SUGP2: variants seen among roughly 807,000 people sequenced by gnomAD.
SUGP2 encodes the protein SURP and G-patch domain containing 2.
SUGP2 carries 24 observed loss-of-function variants against 90.5 expected under a neutral mutation model. That is an observed-to-expected ratio of 0.27 (90% confidence interval 0.19 to 0.37). The LOEUF is 0.37. SUGP2 is among the 10% of genes least tolerant of loss of function. The probability of loss-of-function intolerance (pLI) is 1.00; values close to 1 mark genes in which losing one functional copy is unlikely to be tolerated. For synonymous variants in SUGP2, 473 were observed against 513.4 expected (o/e 0.92, Z 1.06); for missense variants, 1,233 against 1,363.3 (o/e 0.90, Z 1.51).
intron 8 of SUGP2, among the ~76,000 whole-genome samples, chr19:19,001,261 C>A (rs946076694): frequency 6.6e-6 from 1 of 152,128 alleles, no homozygotes; most frequent in African/African-American, 2.4e-5. Flanking sequence ...GTGATCCACC[C>A]GCCCTCTGCC....
chr19:18,997,432 A>G (rs1317835765), intron 8 of SUGP2, among the ~76,000 whole-genome samples: 1 of 152,156 alleles, frequency 6.6e-6, no homozygotes, highest in Non-Finnish European at 1.5e-5. Flanking sequence ...AGAAAGGGAC[A>G]AAACAACCTG....
intron 4 of SUGP2, among the ~76,000 whole-genome samples, chr19:19,017,214 C>T (rs1210671792): frequency 6.6e-6 from 1 of 152,158 alleles, no homozygotes; most frequent in African/African-American, 2.4e-5. Flanking sequence ...AAAGAGGGCA[C>T]AGCACACCTA....
At chr19:19,017,944 T>TTTTTTTTA in intron 4 of SUGP2, among the ~76,000 whole-genome samples, 2 of 150,650 alleles carry the variant, frequency 1.3e-5, no homozygotes, top group African/African-American at 4.9e-5. Context: ...TTTTTTTTTT[T>TTTTTTTTA]AAGAGAAATG....
In SUGP2 at chr19:19,010,032, A is replaced by G; in HGVS notation, c.2161T>C (p.Ser721Pro). 1.9e-6 allele frequency: 3 copies of G among 1,613,094 alleles called. No homozygotes were observed. Among genetic ancestry groups the G allele is most frequent in the Non-Finnish European group, 2.5e-6 (3 of 1,179,964 alleles). ...KHHGRQAPGL[S>P]QAKPSLPDRN... ...TCTGGCAGGGATGGTTTTGCCTGTGAGAGGCCTGGAGCCTGCCGGCCGTGG... is the reference window on the plus strand; with the variant it reads ...TCTGGCAGGGATGGTTTTGCCTGTGGGAGGCCTGGAGCCTGCCGGCCGTGG... Residue 721 changes from serine (S) to proline (P), a missense_variant, in exon 5 of 11, where the codon TCA (serine) becomes CCA (proline). Physicochemically the swap from Ser to Pro is moderately conservative, Grantham distance 74. Around this residue, in one of 8 missense-constraint regions of SUGP2, gnomAD observed 540 missense variants for 542.6 expected, o/e 1.00. Transcript: ENST00000452918.
Position 19,025,820 on chromosome 19 carries a change from G to A in SUGP2, c.528C>T (p.Ser176=), listed in dbSNP as rs368639005. 1 of 1,613,906 alleles carries A rather than the reference G, an allele frequency of 6.2e-7. No homozygotes were observed. The highest frequency in any genetic ancestry group is 1.3e-5 in the African/African-American group (1 of 74,866). ...CCAAACACTCTTTCTCAATCAGCCT[G>A]GAAGATCCAAAGTCCCCCAAAACTG... ...PSAVLGDFGS[S]RLIEKECLEK... Residue 176 remains serine, a synonymous_variant, in exon 3 of 11, where the codon TCC becomes TCT. Coordinates refer to ENST00000452918, the MANE Select transcript of SUGP2 (RefSeq NM_001017392.5).
chr19:19,032,905 C>A (rs1309442825), intron 1 of SUGP2: 2 of 150,484 alleles, frequency 1.3e-5, no homozygotes, highest in Admixed American at 6.7e-5. Flanking sequence ...CCGCCTCCCC[C>A]ACCCGCCTCC....
At chr19:18,995,826 A>G (rs1568373293) in intron 8 of SUGP2, among the ~76,000 whole-genome samples, 1 of 152,074 alleles carries the variant, frequency 6.6e-6, no homozygotes, top group Non-Finnish European at 1.5e-5. Flanking sequence ...CTACTTGGAC[A>G]TTGGGGTCTG....
chr19:18,994,820 G>A (rs1319988427), intron 9 of SUGP2: 3 of 531,672 alleles, frequency 5.6e-6, no homozygotes, highest in East Asian at 3.4e-5. Context: ...TGGCTGGCCC[G>A]GCTATGGGTT....
At chr19:19,008,571 T>C (rs1443085118) in intron 5 of SUGP2, 143 bp from the exon 6 acceptor site, 21 of 698,250 alleles carry the variant, frequency 3.0e-5, no homozygotes, top group South Asian at 1.1e-4. Flanking sequence ...TGTGGACCCT[T>C]TGTCACCAAG....
intron 3 of SUGP2, 114 bp from the exon 4 acceptor site, chr19:19,019,343 C>T (rs566586030): frequency 1.2e-5 from 14 of 1,188,640 alleles, no homozygotes; most frequent in Middle Eastern, 3.0e-4. Context: ...CATCAACAAC[C>T]GAAATCCTCA....
rs2057429711 is a variant in SUGP2, at chr19:18,993,056, T to C, written c.*685A>G. On this transcript the variant is annotated 3_prime_UTR_variant, in exon 11 of 11. Coordinates refer to ENST00000452918, the MANE Select transcript of SUGP2 (RefSeq NM_001017392.5). ...TTGTAACTGTAGTTTGCTTACACTG[T>C]GGATTCTAAAGAGACATGTAAATCT... 6.6e-6 allele frequency: 1 copy of C among 152,162 alleles called. No homozygotes were observed. The highest frequency in any genetic ancestry group is 1.5e-5 in the Non-Finnish European group (1 of 68,038). 9.4% of individuals were successfully genotyped at this position (152,162 alleles called of 1,614,324 possible).
rs58965235 is a variant in SUGP2, at chr19:19,014,808, A to C, written c.1850+4301T>G. On this transcript the variant is annotated intron_variant, in intron 4 of 10. Coordinates refer to ENST00000452918, the MANE Select transcript of SUGP2 (RefSeq NM_001017392.5). ...ATGAAAACTCATCTCTTTAAACAAAAAAAAAAAAGAACTTATTAATCCACA... is the reference window on the plus strand; with the variant it reads ...ATGAAAACTCATCTCTTTAAACAAACAAAAAAAAGAACTTATTAATCCACA... Among the ~76,000 whole-genome samples the C allele has an allele frequency of 1.7e-3, 263 of 152,110 alleles. 1 individual carries two copies. Among genetic ancestry groups the C allele is most frequent in the African/African-American group, 5.5e-3 (230 of 41,500 alleles).
chr19:19,001,017 CT>C lies in SUGP2; in HGVS notation c.2991+595del, dbSNP rs1163536301. 4.5e-3 allele frequency among the ~76,000 whole-genome samples: 618 copies of C among 138,412 alleles called. 1 individual carries two copies. Among genetic ancestry groups the C allele is most frequent in the African/African-American group, 9.4e-3 (352 of 37,524 alleles). The allele number at this position is 138,412 out of a possible 152,430, so 90.8% of individuals were successfully genotyped here. ...ACCCAATCGGCCTTAGCTTGAACTT[CT>C]TTTTTTTTTTTTTTTGAGACGGAGT... is the stretch of plus-strand genomic sequence containing the variant. On this transcript the variant is annotated intron_variant, in intron 8 of 10. Coordinates refer to ENST00000452918, the MANE Select transcript of SUGP2 (RefSeq NM_001017392.5).
intron 3 of SUGP2, among the ~76,000 whole-genome samples, chr19:19,019,430 C>T (rs2058625226): frequency 2.0e-5 from 3 of 152,112 alleles, no homozygotes; most frequent in South Asian, 2.1e-4. Flanking sequence ...AACAGTATAA[C>T]CACTAGGAGA....
chr19:19,031,000 C>G lies in SUGP2; in HGVS notation c.72G>C (p.Met24Ile). The G allele has an allele frequency of 6.2e-7, 1 of 1,613,900 alleles. No individual in the cohort carries two copies. Among genetic ancestry groups the G allele is most frequent in the Non-Finnish European group, 8.5e-7 (1 of 1,179,964 alleles). Residue 24 changes from methionine to isoleucine, a missense_variant, in exon 2 of 11, where the codon ATG (methionine) becomes ATC (isoleucine). Met to Ile is a conservative substitution (Grantham distance 10). Coordinates refer to ENST00000452918, the MANE Select transcript of SUGP2 (RefSeq NM_001017392.5). ...VLQEKAKRYH[M>I]DASGEAVSET... ...CGCTTACAGCCTCACCACTGGCATC[C>G]ATGTGATATCGTTTGGCTTTTTCTT...
chr19:19,001,050 C>G (rs2057812392), intron 8 of SUGP2, among the ~76,000 whole-genome samples: 1 of 149,682 alleles, frequency 6.7e-6, no homozygotes, highest in African/African-American at 2.5e-5. Flanking sequence ...GAGTCTCACT[C>G]TGTCGCCCAG....
At chr19:19,019,726 T>C (rs2058637755) in intron 3 of SUGP2, among the ~76,000 whole-genome samples, 1 of 148,542 alleles carries the variant, frequency 6.7e-6, no homozygotes, top group Admixed American at 6.8e-5. Context: ...TTATAGGGGG[T>C]AGAATTATCA....
At chr19:19,020,509 T>A (rs899211043) in intron 3 of SUGP2, among the ~76,000 whole-genome samples, 4 of 150,462 alleles carry the variant, frequency 2.7e-5, no homozygotes, top group Non-Finnish European at 5.9e-5. Flanking sequence ...AGTGGTCCCA[T>A]GACAGCTCAC....
chr19:19,023,188 T>A (rs938191822), intron 3 of SUGP2, among the ~76,000 whole-genome samples: 1 of 152,036 alleles, frequency 6.6e-6, no homozygotes, highest in East Asian at 1.9e-4. Flanking sequence ...AAAAGGTGTA[T>A]CCACTATGTG....
Sources: gnomAD v4.1 joint callset for allele counts (sites outside exome capture counted in the v4.1 genomes callset) on GRCh38, gnomAD v4.1.1 for gene constraint, gnomAD v4.1.1 regional missense constraint, MANE v1.5 for transcripts, NCBI Gene and HGNC (gene_info 2026-07-23, HGNC 2026-07-21) for gene names.